Variants in NEB observed in about 807,000 individuals in gnomAD.
NEB encodes nebulin, also known as nemaline myopathy type 2.
NEB carries 512 observed loss-of-function variants against 952.2 expected under a neutral mutation model. The observed-to-expected ratio is 0.54, with a 90% CI of 0.50 to 0.58. The LOEUF is 0.58. Among genes scored for constraint, NEB ranks in the 20% least tolerant of loss-of-function variants. The pLI is 0.00. For synonymous variants in NEB, 2,900 were observed against 3,149.8 expected (o/e 0.92, Z 2.66); for missense variants, 8,428 against 9,231.1 (o/e 0.91, Z 3.56).
At chr2:151,549,854 T>A in intron 129 of NEB, 114 bp from the exon 130 acceptor site, 1 of 642,778 alleles carries the variant, frequency 1.6e-6, no homozygotes, top group East Asian at 2.7e-5. Context: ...TTAATACACT[T>A]ATGCTCACTG....
intron 54 of NEB, 78 bp from the exon 55 acceptor site, chr2:151,646,312 G>T: frequency 2.0e-6 from 2 of 981,414 alleles, no homozygotes; most frequent in South Asian, 2.8e-5. Flanking sequence ...CAGAATTGCT[G>T]AATTTATCTG....
In NEB at chr2:151,533,470, G is replaced by GCAGTC; in HGVS notation, c.21384_21388dup (p.Ala7130GlyfsTer84). 1.3e-6 allele frequency: 2 copies of GCAGTC among 1,551,270 alleles called. No individual in the cohort carries two copies. The highest frequency in any genetic ancestry group is 1.7e-6 in the Non-Finnish European group (2 of 1,146,560). ...GCTCCACATATGCGAATTGTAGAGA[G>GCAGTC]CAGTCAACATATCTGGACGCAGAAT... On this transcript the variant is annotated frameshift_variant, in exon 143 of 182. Transcript: ENST00000397345. LOFTEE classifies it high-confidence loss of function.
Position 151,565,799 on chromosome 2 carries a change from C to T in NEB, c.18178G>A (p.Glu6060Lys), listed in dbSNP as rs1194712248. ...QSDNVYRADL[E>K]WLRGIGWIPL... ...ATCCAGCCAATGCCTCGGAGCCACT[C>T]CAGGTCAGCTCTGTAGACATTCTGA... Residue 6060 changes from glutamate to lysine, a missense_variant, in exon 115 of 182, where the codon GAG (glutamate) becomes AAG (lysine). Glu to Lys is a moderately conservative substitution (Grantham distance 56). Around this residue, in one of 11 missense-constraint regions of NEB, gnomAD observed 3,374 missense variants for 3,651.5 expected, o/e 0.92. Transcript: ENST00000397345. The T allele has an allele frequency of 6.2e-7, 1 of 1,610,762 alleles. No homozygotes were observed. Among genetic ancestry groups the T allele is most frequent in the Non-Finnish European group, 8.5e-7 (1 of 1,178,324 alleles).
chr2:151,540,620 T>A, intron 137 of NEB, 77 bp downstream of exon 137: 1 of 1,318,856 alleles, frequency 7.6e-7, no homozygotes, highest in Non-Finnish European at 1.1e-6. Context: ...AGCTCTCTGA[T>A]CAGAGGTAGC....
rs566403951 is a variant in NEB at position 151,714,657 on chromosome 2, T to A, written c.822+2759A>T. Among the ~76,000 whole-genome samples the A allele has an allele frequency of 2.0e-5, 3 of 152,308 alleles. No individual in the cohort carries two copies. The East Asian group carries it at 5.8e-4, about 29-fold the overall frequency. Reference sequence around the variant, plus strand: ...ACCCCTTGGCCCCAACAGATGGATCTGGGAGACATGATTCAACAAGGGGAT... The same window carrying A: ...ACCCCTTGGCCCCAACAGATGGATCAGGGAGACATGATTCAACAAGGGGAT... On this transcript the variant is annotated intron_variant, in intron 10 of 181. Transcript: ENST00000397345.
Position 151,655,965 on chromosome 2 carries a change from C to A in NEB, c.6554G>T (p.Gly2185Val), listed in dbSNP as rs373439650. 7.1e-5 allele frequency: 114 copies of A among 1,613,626 alleles called. 1 individual carries two copies. The highest frequency in any genetic ancestry group is 8.8e-5 in the Non-Finnish European group (104 of 1,179,780). Reference protein sequence around the residue: ...WYKGLGWSPAGSLEVEKAKKA... With the variant: ...WYKGLGWSPAVSLEVEKAKKA... ...CTTGGCCTTCTCCACTTCCAGAGAA[C>A]CTGCTGGACTCCAGCCAAGCCCTTT... Residue 2185 changes from glycine (G) to valine (V), a missense_variant, in exon 50 of 182, where the codon GGT becomes GTT. Physicochemically the swap from Gly to Val is moderately radical, Grantham distance 109. This residue lies in a region of NEB where 2,851 missense variants were observed against 2,791.5 expected (regional missense o/e 1.02). Transcript: ENST00000397345.
At chr2:151,673,478 G>A (rs1285699155) in intron 36 of NEB, among the ~76,000 whole-genome samples, 1 of 151,112 alleles carries the variant, frequency 6.6e-6, no homozygotes, top group African/African-American at 2.4e-5. Context: ...TTATACTGTA[G>A]ACTTTCACTT....
At chr2:151,697,841 C>A (rs769745267) in intron 13 of NEB, among the ~76,000 whole-genome samples, 193 bp from the exon 14 acceptor site, 2 of 152,086 alleles carry the variant, frequency 1.3e-5, no homozygotes, top group African/African-American at 2.4e-5. Context: ...CCGAGGCGGG[C>A]GGATCACGAG....
chr2:151,551,780 C>T lies in NEB; in HGVS notation c.19902G>A (p.Val6634=). 1 of 1,613,562 alleles carries T rather than the reference C, an allele frequency of 6.2e-7. No homozygotes were observed. Among genetic ancestry groups the T allele is most frequent in the Non-Finnish European group, 8.5e-7 (1 of 1,179,678 alleles). Residue 6634 remains valine, a synonymous_variant, in exon 129 of 182, where the codon GTG becomes GTA. Coordinates refer to ENST00000397345, the MANE Select transcript of NEB (RefSeq NM_001164508.2). ...ATGCATGAAGGGCCCGGTCCAGATC[C>T]ACGGTTTTGGTAGTTGGAGCCACTT... ...RGKVAPTTKT[V]DLDRALHAYK...
In NEB at chr2:151,655,797, A is replaced by G; in HGVS notation, c.6702+20T>C. On this transcript the variant is annotated intron_variant, in intron 50 of 181. Coordinates refer to ENST00000397345, the MANE Select transcript of NEB (RefSeq NM_001164508.2). The stretch of plus-strand genomic sequence containing the variant: ...CTTTCCTCACGTGGGAGCTGTGTGG[A>G]CGGCCACTGTTCTCTGTACCTTGTT... 1.9e-6 allele frequency: 3 copies of G among 1,611,552 alleles called. No homozygotes were observed. Among genetic ancestry groups the G allele is most frequent in the Non-Finnish European group, 2.5e-6 (3 of 1,178,158 alleles).
Position 151,563,902 on chromosome 2 carries a change from G to T in NEB, c.18500C>A (p.Thr6167Asn). 6.2e-7 allele frequency: 1 copy of T among 1,611,524 alleles called. No individual in the cohort carries two copies. Among genetic ancestry groups the T allele is most frequent in the Non-Finnish European group, 8.5e-7 (1 of 1,178,786 alleles). Residue 6167 changes from threonine to asparagine, a missense_variant, in exon 118 of 182, where the codon ACC (threonine) becomes AAC (asparagine). Thr to Asn is a moderately conservative substitution (Grantham distance 65). Coordinates refer to ENST00000397345, the MANE Select transcript of NEB (RefSeq NM_001164508.2). ...TILYKGAWEGTKAYGYTLDER... is the reference protein window; with the variant it reads ...TILYKGAWEGNKAYGYTLDER... The stretch of plus-strand genomic sequence containing the variant: ...ATCCAGGGTGTAGCCATAGGCCTTG[G>T]TGCCCTCCCACGCCCCTTTATACAG...
At chr2:151,574,261 A>T (rs1329656744) in intron 107 of NEB, among the ~76,000 whole-genome samples, 1 of 152,256 alleles carries the variant, frequency 6.6e-6, no homozygotes, top group Non-Finnish European at 1.5e-5. Context: ...GGCGTGAGCC[A>T]TCGCGCCAGG....
chr2:151,552,819 A>G (rs2095418125), intron 127 of NEB, 43 bp from the exon 128 acceptor site: 1 of 1,448,598 alleles, frequency 6.9e-7, no homozygotes, highest in African/African-American at 1.4e-5. Flanking sequence ...ACCATTCCTT[A>G]TGCTTGAAAC....
At chr2:151,570,800 G>C in intron 107 of NEB, among the ~76,000 whole-genome samples, 199 bp from the exon 108 acceptor site, 1 of 152,054 alleles carries the variant, frequency 6.6e-6, no homozygotes, top group East Asian at 1.9e-4. Context: ...AAAGGTCTGG[G>C]CTTGACAATC....
At chr2:151,648,689 C>A (rs1225647836) in intron 54 of NEB, among the ~76,000 whole-genome samples, 1 of 152,200 alleles carries the variant, frequency 6.6e-6, no homozygotes, top group African/African-American at 2.4e-5. Flanking sequence ...ATGCCAGTAG[C>A]ATGCCACTCC....
At chr2:151,648,263 C>G (rs1040473952) in intron 54 of NEB, among the ~76,000 whole-genome samples, 11 of 152,126 alleles carry the variant, frequency 7.2e-5, no homozygotes, top group Non-Finnish European at 1.5e-5. Context: ...AGGTATGCAG[C>G]ATGAGATGTG....
rs373946758 is a variant in NEB, at chr2:151,527,570, G to C, written c.21751C>G (p.Gln7251Glu). Reference sequence around the variant, plus strand: ...CAGTGGGCTTTGTTGGCTTCGTACTGTTTCTTATAGTCCAGCTGTTTTTAA... The same window carrying C: ...CAGTGGGCTTTGTTGGCTTCGTACTCTTTCTTATAGTCCAGCTGTTTTTAA... ...KVNTNLDYKK[Q>E]YEANKAHWKW... is the part of the protein sequence containing the mutation. Residue 7251 changes from glutamine (Q) to glutamate (E), a missense_variant, in exon 147 of 182, where the codon CAG (glutamine) becomes GAG (glutamate). Physicochemically the swap from Gln to Glu is conservative, Grantham distance 29 (BLOSUM62 2). Coordinates refer to ENST00000397345, the MANE Select transcript of NEB (RefSeq NM_001164508.2). 454 of 1,611,724 alleles carry C rather than the reference G, an allele frequency of 2.8e-4. 3 individuals carry two copies. The highest frequency in any genetic ancestry group is 5.9e-5 in the Non-Finnish European group (69 of 1,178,886).
chr2:151,629,517 T>C (rs1478645441), intron 68 of NEB, 22 bp downstream of exon 68: 2 of 1,568,100 alleles, frequency 1.3e-6, no homozygotes, highest in East Asian at 2.2e-5. Context: ...TCCATGTAAA[T>C]ATCTAGGGTG....
chr2:151,575,717 G>C lies in NEB; in HGVS notation c.16991C>G (p.Ala5664Gly), dbSNP rs1434075305. 3 of 1,603,920 alleles carry C rather than the reference G, an allele frequency of 1.9e-6. No homozygotes were observed. The highest frequency in any genetic ancestry group is 1.7e-6 in the Non-Finnish European group (2 of 1,170,726). Reference protein sequence around the residue: ...PDTPEINLARANALNVSNKLY... With the variant: ...PDTPEINLARGNALNVSNKLY... ...TACATTGCTCACATTAAGAGCATTT[G>C]CTCTAGCGAGATTAATTTCTGGAGT... The change falls in exon 107 of 182, where the codon GCA becomes GGA. Residue 5664 changes from alanine (A) to glycine (G), a missense_variant. Transcript: ENST00000397345.
Sources: allele counts gnomAD v4.1 joint callset (sites outside exome capture counted in the v4.1 genomes callset), GRCh38; gene constraint gnomAD v4.1.1; regional missense constraint gnomAD v4.1.1; transcripts MANE v1.5; gene names NCBI Gene and HGNC (gene_info 2026-07-23, HGNC 2026-07-21).